Variants in NMT1 observed in about 807,000 individuals in gnomAD.
The protein encoded by NMT1 is glycylpeptide N-tetradecanoyltransferase 1.
Under a neutral mutation model 63.4 loss-of-function variants are expected in NMT1, and 12 were observed. The ratio of observed to expected loss-of-function variants is 0.19; its 90% CI spans 0.12 to 0.31. The LOEUF (loss-of-function observed/expected upper bound fraction) is 0.31, where lower values mean the gene tolerates loss of function less well. NMT1 is among the 10% of genes least tolerant of loss of function. The pLI, the probability that NMT1 is intolerant of heterozygous loss-of-function variation, is 1.00. For missense variants in NMT1, 432 were observed against 634.6 expected, an observed-to-expected ratio of 0.68 and a Z score of 3.43; for synonymous variants, 228 against 234.3, an observed-to-expected ratio of 0.97 and a Z score of 0.25.
rs559376009 is a variant in NMT1 at position 45,093,770 on chromosome 17, C to G, written c.471C>G (p.Thr157=). Residue 157 remains threonine (T), a synonymous_variant, in exon 4 of 12, where the codon ACC becomes ACG. Coordinates refer to ENST00000258960, the MANE Select transcript of NMT1 (RefSeq NM_021079.5). ...CCTACACCCTGCCCCAGGGCTTCAC[C>G]TGGGATGCTTTGGACCTGGGCGATC... ...QEPYTLPQGF[T]WDALDLGDRG... 6.8e-6 allele frequency: 11 copies of G among 1,614,260 alleles called. No individual in the cohort carries two copies. In the Admixed American group the frequency reaches 1.8e-4, roughly 27 times the overall value.
chr17:45,093,362 CTT>C lies in NMT1; in HGVS notation c.386-321_386-320del, dbSNP rs1168854243. Among the ~76,000 whole-genome samples the C allele has an allele frequency of 3.9e-5, 6 of 152,362 alleles. No individual in the cohort carries two copies. The South Asian group carries it at 6.2e-4, about 16-fold the overall frequency. On this transcript the variant is annotated intron_variant, in intron 3 of 11. Coordinates refer to ENST00000258960, the MANE Select transcript of NMT1 (RefSeq NM_021079.5). ...CCTGGGCCAGGGCCCTGACAGCACT[CTT>C]TACACCAACCAGGAGGCAGGAAGCC... is the stretch of plus-strand genomic sequence containing the variant.
At chr17:45,091,230 A>G (rs1272749271) in intron 3 of NMT1, among the ~76,000 whole-genome samples, 1 of 148,794 alleles carries the variant, frequency 6.7e-6, no homozygotes, top group Admixed American at 6.8e-5. Flanking sequence ...ACACACACAC[A>G]CACACACGTC....
At chr17:45,078,675 G>C (rs1219405419) in intron 1 of NMT1, among the ~76,000 whole-genome samples, 2 of 151,850 alleles carry the variant, frequency 1.3e-5, no homozygotes, top group African/African-American at 4.8e-5. Context: ...TTGTTTGTTT[G>C]TTTTGAGACA....
intron 8 of NMT1, among the ~76,000 whole-genome samples, chr17:45,101,202 A>T (rs975194861): frequency 6.6e-6 from 1 of 151,374 alleles, no homozygotes; most frequent in African/African-American, 2.4e-5. Flanking sequence ...CAACAACAAC[A>T]AAAAAAGGAT....
chr17:45,104,719 C>G lies in NMT1; in HGVS notation c.1333-140C>G. On this transcript the variant is annotated intron_variant, in intron 10 of 11. Coordinates refer to ENST00000258960, the MANE Select transcript of NMT1 (RefSeq NM_021079.5). The surrounding 1 kb of genome is among the most constrained non-coding windows in gnomAD (Gnocchi z 4.2). ...GAACCACCCGGAGAGCGGGGATTAA[C>G]GTGGAAGCAGCGGAGCTTCTGAGGG... 6.8e-7 allele frequency: 1 copy of G among 1,479,582 alleles called. No homozygotes were observed. The highest frequency in any genetic ancestry group is 9.0e-7 in the Non-Finnish European group (1 of 1,117,194). 91.7% of individuals were successfully genotyped at this position (1,479,582 alleles called of 1,614,324 possible).
rs146513902 is a variant in NMT1, at chr17:45,089,019, C to T, written c.385+2367C>T. 6.5e-3 allele frequency among the ~76,000 whole-genome samples: 993 copies of T among 152,252 alleles called. 5 individuals are homozygous for T. Among genetic ancestry groups the T allele is most frequent in the Admixed American group, 0.02 (306 of 15,286 alleles). On this transcript the variant is annotated intron_variant, in intron 3 of 11. Coordinates refer to ENST00000258960, the MANE Select transcript of NMT1 (RefSeq NM_021079.5). ...GTCGGACTCCATGGAAGAGCAGTCA[C>T]CCTGAGCATCTGACTAGTCTGCCTT...
In NMT1 at chr17:45,098,462, G is replaced by A. The variant is rs2054140404; in HGVS notation, c.794G>A (p.Arg265Gln). Residue 265 changes from arginine (R) to glutamine (Q), a missense_variant, in exon 7 of 12, where the codon CGA becomes CAA. By Grantham distance (43) the Arg-to-Gln change is conservative. Coordinates refer to ENST00000258960, the MANE Select transcript of NMT1 (RefSeq NM_021079.5). ...RSKRVAPVLI[R>Q]EITRRVHLEG... The stretch of plus-strand genomic sequence containing the variant: ...AAGAGGGTTGCTCCAGTTCTGATCC[G>A]AGAGATCACCAGGCGGGTTCACCTG... The A allele has an allele frequency of 1.2e-6, 2 of 1,614,186 alleles. No homozygotes were observed. Among genetic ancestry groups the A allele is most frequent in the Non-Finnish European group, 1.7e-6 (2 of 1,180,020 alleles).
At position 45,061,586 on chromosome 17, in the gene NMT1, A is replaced by C. The variant is rs954420257; in HGVS notation, c.131+126A>C. 4 of 815,680 alleles carry C rather than the reference A, an allele frequency of 4.9e-6. No individual in the cohort carries two copies. In the African/African-American group the frequency reaches 5.2e-5, roughly 11 times the overall value. The allele number at this position is 815,680 out of a possible 1,614,324, so 50.5% of individuals were successfully genotyped here. ...TGTTCTTATTGGCTAAGTCACTAGG[A>C]TTCTGCCTGGCGATTGGTTATTGCC... On this transcript the variant is annotated intron_variant, in intron 1 of 11. Coordinates refer to ENST00000258960, the MANE Select transcript of NMT1 (RefSeq NM_021079.5).
At chr17:45,094,794 CA>C (rs1279590802) in intron 4 of NMT1, among the ~76,000 whole-genome samples, 15 of 135,024 alleles carry the variant, frequency 1.1e-4, no homozygotes, top group South Asian at 4.9e-4. Context: ...GGATTACAGG[CA>C]ATGAGCCACT....
intron 1 of NMT1, among the ~76,000 whole-genome samples, chr17:45,069,403 T>C (rs996083247): frequency 3.3e-5 from 5 of 152,024 alleles, no homozygotes; most frequent in African/African-American, 1.2e-4. Context: ...GTGATTCTCC[T>C]GCCTCAGCCT....
At position 45,104,724 on chromosome 17, in the gene NMT1, AAGC is replaced by A; in HGVS notation, c.1333-131_1333-129del. 1 of 1,487,664 alleles carries A rather than the reference AAGC, an allele frequency of 6.7e-7. No individual in the cohort carries two copies. Among genetic ancestry groups the A allele is most frequent in the Non-Finnish European group, 8.9e-7 (1 of 1,120,278 alleles). The allele number at this position is 1,487,664 out of a possible 1,614,324, so 92.2% of individuals were successfully genotyped here. A position where few individuals can be genotyped will look rare whatever the true frequency, so the allele number is the denominator to read the frequency against. On this transcript the variant is annotated intron_variant, in intron 10 of 11. Transcript: ENST00000258960. The surrounding 1 kb of genome is among the most constrained non-coding windows in gnomAD (Gnocchi z 4.2). ...ACCCGGAGAGCGGGGATTAACGTGG[AAGC>A]AGCGGAGCTTCTGAGGGAACCTTGT...
intron 1 of NMT1, among the ~76,000 whole-genome samples, chr17:45,069,492 A>C (rs944115182): frequency 6.6e-6 from 1 of 151,148 alleles, no homozygotes; most frequent in African/African-American, 2.4e-5. Flanking sequence ...GGGTTTCACC[A>C]TCTTGGCCAG....
intron 1 of NMT1, among the ~76,000 whole-genome samples, chr17:45,076,592 A>G (rs2053979085): frequency 6.6e-6 from 1 of 152,002 alleles, no homozygotes; most frequent in Non-Finnish European, 1.5e-5. Flanking sequence ...TCTACTAAAA[A>G]TACAAAAATT....
In NMT1 at chr17:45,105,117, C is replaced by G; in HGVS notation, c.1470+121C>G. 1 of 1,326,292 alleles carries G rather than the reference C, an allele frequency of 7.5e-7. No homozygotes were observed. Among genetic ancestry groups the G allele is most frequent in the Admixed American group, 2.1e-5 (1 of 47,636 alleles). The allele number at this position is 1,326,292 out of a possible 1,614,324, so 82.2% of individuals were successfully genotyped here. On this transcript the variant is annotated intron_variant, in intron 11 of 11. Coordinates refer to ENST00000258960, the MANE Select transcript of NMT1 (RefSeq NM_021079.5). The surrounding 1 kb of genome is among the most constrained non-coding windows in gnomAD (Gnocchi z 4.2). ...TGGGTCCTTGTTACCTCGAGTTGAACCTTTGAAAATGCCCTCCCTCTGCTG... is the reference window on the plus strand; with the variant it reads ...TGGGTCCTTGTTACCTCGAGTTGAAGCTTTGAAAATGCCCTCCCTCTGCTG...
intron 6 of NMT1, among the ~76,000 whole-genome samples, chr17:45,097,858 C>A (rs1292807334): frequency 6.6e-6 from 1 of 152,180 alleles, no homozygotes; most frequent in East Asian, 1.9e-4. Flanking sequence ...CATGGAAGCA[C>A]TTGAACAGCA....
intron 1 of NMT1, among the ~76,000 whole-genome samples, chr17:45,075,166 T>G (rs1037313811): frequency 6.6e-6 from 1 of 152,012 alleles, no homozygotes; most frequent in Non-Finnish European, 1.5e-5. Context: ...CCAGCCTGGG[T>G]GACAGAGCAA....
At chr17:45,062,321 C>G (rs1048014414) in intron 1 of NMT1, among the ~76,000 whole-genome samples, 2 of 152,230 alleles carry the variant, frequency 1.3e-5, no homozygotes, top group African/African-American at 2.4e-5. Context: ...TCTTTCTTCA[C>G]ATGGTTAGTG....
intron 1 of NMT1, among the ~76,000 whole-genome samples, chr17:45,077,695 G>A (rs1158501568): frequency 6.6e-6 from 1 of 152,054 alleles, no homozygotes; most frequent in African/African-American, 2.4e-5. Context: ...CAGCCTATGA[G>A]CCAGTTTTTA....
chr17:45,062,447 A>G (rs1436122577), intron 1 of NMT1, among the ~76,000 whole-genome samples: 1 of 152,216 alleles, frequency 6.6e-6, no homozygotes, highest in African/African-American at 2.4e-5. Flanking sequence ...AGTCTGAGGT[A>G]GTCTGATTTT....
Sources: gnomAD v4.1 joint callset for allele counts (sites outside exome capture counted in the v4.1 genomes callset) on GRCh38, gnomAD v4.1.1 for gene constraint, Gnocchi (gnomAD v3.1) non-coding constraint, MANE v1.5 for transcripts, NCBI Gene and HGNC (gene_info 2026-07-23, HGNC 2026-07-21) for gene names.